USP32: variants seen among roughly 807,000 people sequenced by gnomAD.
USP32 encodes ubiquitin carboxyl-terminal hydrolase 32.
In USP32, 59 loss-of-function variants were observed where a neutral mutation model predicts 204.8. That is an observed-to-expected ratio of 0.29 (90% confidence interval 0.23 to 0.36). The LOEUF is 0.36. USP32 is among the 10% of genes least tolerant of loss of function. The probability of loss-of-function intolerance (pLI) is 1.00; values close to 1 mark genes in which losing one functional copy is unlikely to be tolerated. For missense variants in USP32, 1,160 were observed against 1,946.4 expected, an observed-to-expected ratio of 0.60 and a Z score of 7.60; for synonymous variants, 517 against 678.4, an observed-to-expected ratio of 0.76 and a Z score of 3.70.
intron 26 of USP32, among the ~76,000 whole-genome samples, chr17:60,199,015 C>T (rs902143521): frequency 3.3e-5 from 5 of 151,930 alleles, no homozygotes; most frequent in Non-Finnish European, 7.4e-5. Context: ...ATACAGGAGG[C>T]TGAGGTGGGA....
intron 2 of USP32, among the ~76,000 whole-genome samples, chr17:60,313,893 A>T (rs2087911614): frequency 6.6e-6 from 1 of 152,156 alleles, no homozygotes; most frequent in South Asian, 2.1e-4. Flanking sequence ...CTAGATATCA[A>T]AAAGTTACTA....
intron 2 of USP32, among the ~76,000 whole-genome samples, chr17:60,340,175 C>T (rs1040667532): frequency 2.0e-5 from 3 of 152,182 alleles, no homozygotes; most frequent in Middle Eastern, 3.4e-3. Flanking sequence ...CAACTAATTA[C>T]CTTGTTTATA....
At chr17:60,400,010 C>T (rs946765848) in intron 1 of USP32, among the ~76,000 whole-genome samples, 5 of 151,914 alleles carry the variant, frequency 3.3e-5, no homozygotes, top group African/African-American at 1.2e-4. Flanking sequence ...TGTTGTTGAC[C>T]CTGGAGTGCA....
intron 5 of USP32, among the ~76,000 whole-genome samples, chr17:60,281,297 G>C (rs1340352381): frequency 2.0e-5 from 3 of 152,240 alleles, no homozygotes; most frequent in Non-Finnish European, 2.9e-5. Context: ...CCAGCACTTC[G>C]GGAGGCCGAG....
At chr17:60,182,318 T>C (rs573591039) in intron 31 of USP32, among the ~76,000 whole-genome samples, 53 of 152,312 alleles carry the variant, frequency 3.5e-4, no homozygotes, top group Non-Finnish European at 5.9e-4. Context: ...GTATTAGAAA[T>C]TAAAACTAAG....
chr17:60,334,951 G>C (rs1309710120), intron 2 of USP32, among the ~76,000 whole-genome samples: 1 of 141,952 alleles, frequency 7.0e-6, no homozygotes, highest in Admixed American at 6.8e-5. Flanking sequence ...GAGCCACCGC[G>C]CCCAGCCACG....
intron 1 of USP32, among the ~76,000 whole-genome samples, chr17:60,405,451 C>T (rs1423087932): frequency 1.3e-5 from 2 of 152,092 alleles, no homozygotes; most frequent in African/African-American, 4.8e-5. Context: ...ACAGTCCACC[C>T]GCCTCAACCT....
intron 26 of USP32, among the ~76,000 whole-genome samples, chr17:60,199,513 C>T (rs1338812515): frequency 6.6e-6 from 1 of 152,030 alleles, no homozygotes; most frequent in East Asian, 1.9e-4. Flanking sequence ...AGCTGCTGAA[C>T]CTTTGAACAT....
At chr17:60,278,230 T>A (rs1200684709) in intron 5 of USP32, among the ~76,000 whole-genome samples, 1 of 152,094 alleles carries the variant, frequency 6.6e-6, no homozygotes, top group Non-Finnish European at 1.5e-5. Context: ...AAAAGCCACA[T>A]CATATTCTGG....
At chr17:60,303,781 T>C (rs193287783) in intron 2 of USP32, among the ~76,000 whole-genome samples, 8 of 152,166 alleles carry the variant, frequency 5.3e-5, no homozygotes, top group African/African-American at 1.7e-4. Context: ...AATATGCTAA[T>C]GGAGTTTGAA....
At chr17:60,214,201 C>T (rs1408010286) in intron 17 of USP32, among the ~76,000 whole-genome samples, 2 of 152,146 alleles carry the variant, frequency 1.3e-5, no homozygotes, top group Non-Finnish European at 2.9e-5. Flanking sequence ...CTCGGCCTCC[C>T]AAAGTGATGG....
chr17:60,393,570 A>C (rs751477865), upstream of USP32, among the ~76,000 whole-genome samples: 1 of 152,214 alleles, frequency 6.6e-6, no homozygotes, highest in Non-Finnish European at 1.5e-5. Flanking sequence ...CATTTGGATT[A>C]GATTGGACCC....
intron 9 of USP32, among the ~76,000 whole-genome samples, chr17:60,262,519 G>A (rs237957): frequency 0.81 from 123,615 of 152,118 alleles, 51,138 homozygotes; most frequent in East Asian, 1. Flanking sequence ...AATGTCCTCC[G>A]TTTAAATGTG....
chr17:60,238,374 A>T (rs959063883), intron 11 of USP32, among the ~76,000 whole-genome samples: 2 of 152,114 alleles, frequency 1.3e-5, no homozygotes, highest in Non-Finnish European at 2.9e-5. Context: ...GATGTATAAA[A>T]GTTTTAAGTT....
chr17:60,365,484 A>T (rs36039286), intron 1 of USP32, among the ~76,000 whole-genome samples: 6 of 151,938 alleles, frequency 3.9e-5, no homozygotes, highest in African/African-American at 9.7e-5. Context: ...TCCATCTCAA[A>T]AAATAAATAA....
chr17:60,202,450 CACACA>C (rs1378496526), intron 26 of USP32, among the ~76,000 whole-genome samples: 1 of 149,150 alleles, frequency 6.7e-6, no homozygotes, highest in African/African-American at 2.5e-5. Flanking sequence ...AAATCACACA[CACACA>C]CACACACACA....
Position 60,190,864 on chromosome 17 carries a change from T to A in USP32, c.3522-181A>T, listed in dbSNP as rs542088093. Among the ~76,000 whole-genome samples the A allele has an allele frequency of 2.0e-5, 3 of 152,328 alleles. No homozygotes were observed. In the East Asian group the frequency reaches 5.8e-4, roughly 29 times the overall value. ...GATACTTATTAATAATTAGTACAGT[T>A]TCAGGGAATCATGCTTTTCATTTTT... On this transcript the variant is annotated intron_variant, in intron 28 of 33. Transcript: ENST00000300896.
chr17:60,289,066 G>A (rs1261731352), intron 4 of USP32, among the ~76,000 whole-genome samples: 2 of 152,182 alleles, frequency 1.3e-5, no homozygotes, highest in Non-Finnish European at 2.9e-5. Flanking sequence ...GGAGTGCAGT[G>A]GCGCGATCTC....
intron 11 of USP32, among the ~76,000 whole-genome samples, chr17:60,251,024 C>G (rs189328210): frequency 7.3e-5 from 11 of 151,536 alleles, no homozygotes; most frequent in African/African-American, 2.7e-4. Flanking sequence ...CTCACTGCAG[C>G]CTTGACCTCC....
Sources: gnomAD v4.1 joint callset for allele counts (sites outside exome capture counted in the v4.1 genomes callset) on GRCh38, gnomAD v4.1.1 for gene constraint, MANE v1.5 for transcripts, NCBI Gene and HGNC (gene_info 2026-07-23, HGNC 2026-07-21) for gene names.